SPOCK3: variants seen among roughly 807,000 people sequenced by gnomAD.
SPOCK3 encodes SPARC (osteonectin), cwcv and kazal like domains proteoglycan 3.
In SPOCK3, 30 loss-of-function variants were observed where a neutral mutation model predicts 56.6. That is an observed-to-expected ratio of 0.53 (90% CI 0.40 to 0.72). The LOEUF is 0.72. SPOCK3 is among the 30% of genes least tolerant of loss of function. The pLI is 0.00. For missense variants in SPOCK3, 527 were observed against 530.0 expected, an observed-to-expected ratio of 0.99 and a Z score of 0.06; for synonymous variants, 196 against 183.3, an observed-to-expected ratio of 1.07 and a Z score of -0.56.
intron 3 of SPOCK3, among the ~76,000 whole-genome samples, chr4:167,061,506 C>T (rs1755605354): frequency 6.6e-6 from 1 of 151,716 alleles, no homozygotes; most frequent in Middle Eastern, 3.2e-3. Context: ...ATGTTAATAC[C>T]AATGTTGATG....
Position 166,754,744 on chromosome 4 carries a change from A to C in SPOCK3, c.710-15T>G. The C allele has an allele frequency of 6.2e-7, 1 of 1,612,438 alleles. No homozygotes were observed. The highest frequency in any genetic ancestry group is 1.3e-5 in the African/African-American group (1 of 74,918). ...GGTATCGAATCCTAAAGGCAAAAAAAAGAAAATGATTAGTTAAATATGAAA... is the reference window on the plus strand; with the variant it reads ...GGTATCGAATCCTAAAGGCAAAAAACAGAAAATGATTAGTTAAATATGAAA... On this transcript the variant is annotated splice_polypyrimidine_tract_variant and intron_variant, in intron 7 of 10. Coordinates refer to ENST00000357545, the MANE Select transcript of SPOCK3 (RefSeq NM_001040159.2).
chr4:166,785,115 A>G (rs1159706136), intron 7 of SPOCK3, among the ~76,000 whole-genome samples: 2 of 152,116 alleles, frequency 1.3e-5, no homozygotes, highest in Non-Finnish European at 2.9e-5. Flanking sequence ...CATGCTAATG[A>G]TAATAGGATG....
At chr4:166,877,421 A>T (rs1161546109) in intron 6 of SPOCK3, among the ~76,000 whole-genome samples, 1 of 152,198 alleles carries the variant, frequency 6.6e-6, no homozygotes, top group Non-Finnish European at 1.5e-5. Context: ...AAAGAGTTCC[A>T]TTACAGAAAA....
At chr4:166,801,455 A>G (rs1367607780) in intron 6 of SPOCK3, among the ~76,000 whole-genome samples, 1 of 152,154 alleles carries the variant, frequency 6.6e-6, no homozygotes, top group East Asian at 1.9e-4. Flanking sequence ...AAAAATTTCC[A>G]CAATAAATAT....
chr4:167,201,111 G>T (rs941838709), intron 2 of SPOCK3, among the ~76,000 whole-genome samples: 1 of 151,912 alleles, frequency 6.6e-6, no homozygotes, highest in Admixed American at 6.6e-5. Flanking sequence ...GAGATGGAAA[G>T]AAAAGAGAGA....
chr4:167,040,347 T>C (rs1229674251), intron 3 of SPOCK3, among the ~76,000 whole-genome samples: 2 of 152,154 alleles, frequency 1.3e-5, no homozygotes. Flanking sequence ...TACCACTTAA[T>C]ATAAATGACT....
intron 5 of SPOCK3, among the ~76,000 whole-genome samples, chr4:166,902,672 G>A (rs552563944): frequency 9.3e-5 from 14 of 151,098 alleles, no homozygotes; most frequent in African/African-American, 3.2e-4. Context: ...TCTATGTTAC[G>A]TACATAATAC....
At chr4:166,770,759 C>G (rs1244712614) in intron 7 of SPOCK3, among the ~76,000 whole-genome samples, 1 of 152,008 alleles carries the variant, frequency 6.6e-6, no homozygotes, top group Admixed American at 6.6e-5. Context: ...AAACTCAATG[C>G]TATGCTGTCT....
intron 8 of SPOCK3, among the ~76,000 whole-genome samples, chr4:166,753,398 T>C (rs564434229): frequency 6.6e-6 from 1 of 152,116 alleles, no homozygotes; most frequent in Non-Finnish European, 1.5e-5. Flanking sequence ...ACAATGTGTG[T>C]TTGTGTGTGT....
intron 6 of SPOCK3, among the ~76,000 whole-genome samples, chr4:166,881,135 A>T (rs1579521586): frequency 6.6e-6 from 1 of 152,080 alleles, no homozygotes; most frequent in South Asian, 2.1e-4. Context: ...ATGTAATACA[A>T]TTTTACTTTT....
intron 2 of SPOCK3, chr4:167,119,827 T>C (rs1326656628): frequency 1.3e-6 from 2 of 1,534,660 alleles, no homozygotes; most frequent in Non-Finnish European, 1.7e-6. Flanking sequence ...GGATGTGATC[T>C]TGTGTGATCA....
intron 5 of SPOCK3, among the ~76,000 whole-genome samples, chr4:166,894,277 GA>G (rs1170516288): frequency 3.3e-5 from 5 of 151,712 alleles, no homozygotes; most frequent in African/African-American, 7.3e-5. Flanking sequence ...CCACCACAGG[GA>G]AAAAAAATCT....
chr4:166,912,513 G>C, intron 5 of SPOCK3, 107 bp downstream of exon 5: 1 of 1,089,162 alleles, frequency 9.2e-7, no homozygotes, highest in South Asian at 1.5e-5. Flanking sequence ...TATTTTATAA[G>C]TTAAATGAAT....
intron 3 of SPOCK3, among the ~76,000 whole-genome samples, chr4:167,037,233 C>T (rs2150192809): frequency 6.6e-6 from 1 of 152,160 alleles, no homozygotes; most frequent in Non-Finnish European, 1.5e-5. Context: ...CCTGGAATAC[C>T]AGCAAGTTGG....
chr4:167,013,999 T>C (rs1483639522), intron 3 of SPOCK3, among the ~76,000 whole-genome samples: 1 of 152,186 alleles, frequency 6.6e-6, no homozygotes, highest in Admixed American at 6.6e-5. Context: ...AATGAATGTG[T>C]GTTAGGTGCC....
At chr4:166,781,446 A>G (rs762358246) in intron 7 of SPOCK3, among the ~76,000 whole-genome samples, 6 of 151,988 alleles carry the variant, frequency 3.9e-5, no homozygotes, top group Non-Finnish European at 8.8e-5. Flanking sequence ...AGGAGGAGGA[A>G]GAGAGAAGAC....
At chr4:166,842,182 G>A (rs182363330) in intron 6 of SPOCK3, among the ~76,000 whole-genome samples, 1 of 152,342 alleles carries the variant, frequency 6.6e-6, no homozygotes, top group Admixed American at 6.5e-5. Flanking sequence ...GCAGCAGCAA[G>A]ATTTATTGCA....
chr4:166,797,307 C>CTTT (rs201922172), intron 6 of SPOCK3, among the ~76,000 whole-genome samples: 1 of 53,232 alleles, frequency 1.9e-5, no homozygotes, highest in Non-Finnish European at 3.5e-5. Flanking sequence ...TTCTAAGTGG[C>CTTT]TTTTTTTTTT....
At chr4:166,855,892 G>A (rs1730598184) in intron 6 of SPOCK3, among the ~76,000 whole-genome samples, 1 of 152,096 alleles carries the variant, frequency 6.6e-6, no homozygotes, top group South Asian at 2.1e-4. Flanking sequence ...ACTCTTATGG[G>A]GTAGGAGTTA....
Sources: allele counts gnomAD v4.1 joint callset (sites outside exome capture counted in the v4.1 genomes callset), GRCh38; gene constraint gnomAD v4.1.1; transcripts MANE v1.5; gene names NCBI Gene and HGNC (gene_info 2026-07-23, HGNC 2026-07-21).